GPR83: variants seen among roughly 807,000 people sequenced by gnomAD.
The protein encoded by GPR83 is G-protein coupled receptor 72.
In GPR83, 23 loss-of-function variants were observed where a neutral mutation model predicts 28.0. The observed-to-expected ratio is 0.82, with a 90% CI of 0.59 to 1.16. GPR83 has a LOEUF of 1.16. GPR83 is among the 50% of genes most tolerant of loss of function. The probability of loss-of-function intolerance (pLI) is 0.00; values close to 1 mark genes in which losing one functional copy is unlikely to be tolerated. For synonymous variants in GPR83, 234 were observed against 215.4 expected (o/e 1.09, Z -0.76); for missense variants, 610 against 536.6 (o/e 1.14, Z -1.35).
At chr11:94,382,679 G>A (rs1256999199) in intron 3 of GPR83, among the ~76,000 whole-genome samples, 7 of 152,014 alleles carry the variant, frequency 4.6e-5, no homozygotes, top group African/African-American at 1.7e-4. Flanking sequence ...TCGACCAAAT[G>A]GACCTAATAG....
At chr11:94,392,265 T>C (rs1944823911) in intron 3 of GPR83, among the ~76,000 whole-genome samples, 1 of 150,786 alleles carries the variant, frequency 6.6e-6, no homozygotes, top group South Asian at 2.1e-4. Context: ...TAAGTGAGAG[T>C]TTAACAATGA....
intron 1 of GPR83, among the ~76,000 whole-genome samples, chr11:94,398,839 C>T (rs1219189055): frequency 6.6e-6 from 1 of 152,184 alleles, no homozygotes; most frequent in Non-Finnish European, 1.5e-5. Flanking sequence ...CCCTTTCCTA[C>T]CTGCCAGCAC....
chr11:94,389,485 C>T (rs1944793183), intron 3 of GPR83, among the ~76,000 whole-genome samples: 1 of 151,418 alleles, frequency 6.6e-6, no homozygotes, highest in African/African-American at 2.4e-5. Context: ...CAAGAAAAAT[C>T]AACCCCATCA....
intron 3 of GPR83, among the ~76,000 whole-genome samples, chr11:94,381,455 A>C (rs1360593815): frequency 6.6e-6 from 1 of 151,910 alleles, no homozygotes; most frequent in Non-Finnish European, 1.5e-5. Context: ...TGAGTGATTC[A>C]TTTCAATGTC....
chr11:94,394,569 C>G (rs1261327648), intron 2 of GPR83, among the ~76,000 whole-genome samples: 6 of 152,168 alleles, frequency 3.9e-5, no homozygotes, highest in African/African-American at 1.4e-4. Flanking sequence ...TCAGGAAGAG[C>G]TGGCACCACC....
chr11:94,381,209 G>A (rs1239803623), intron 3 of GPR83, among the ~76,000 whole-genome samples: 1 of 152,122 alleles, frequency 6.6e-6, no homozygotes, highest in African/African-American at 2.4e-5. Context: ...GAGTGGTAAA[G>A]CCTGAACTAA....
intron 3 of GPR83, among the ~76,000 whole-genome samples, chr11:94,389,050 C>G (rs563989744): frequency 6.6e-5 from 10 of 152,186 alleles, no homozygotes; most frequent in Non-Finnish European, 1.3e-4. Context: ...CCTTGACAAA[C>G]CTGACAAAAA....
At position 94,380,361 on chromosome 11, in the gene GPR83, T is replaced by A; in HGVS notation, c.1060A>T (p.Ile354Phe). The change falls in exon 4 of 4, where the codon ATT (isoleucine) becomes TTT (phenylalanine). Residue 354 changes from isoleucine (I) to phenylalanine (F), a missense_variant. By Grantham distance (21) the Ile-to-Phe change is conservative. Transcript: ENST00000243673. ...IYCWLNENFR[I>F]ELKALLSMCQ... ...ATGCTCAGTAATGCCTTTAGCTCAA[T>A]CCTGAAGTTCTCGTTCAGCCAGCAG... is the stretch of plus-strand genomic sequence containing the variant. 6.2e-7 allele frequency: 1 copy of A among 1,614,118 alleles called. No individual in the cohort carries two copies. The highest frequency in any genetic ancestry group is 8.5e-7 in the Non-Finnish European group (1 of 1,180,002).
Position 94,379,867 on chromosome 11 carries a change from T to C in GPR83, c.*282A>G, listed in dbSNP as rs1172052553. On this transcript the variant is annotated 3_prime_UTR_variant, in exon 4 of 4. Coordinates refer to ENST00000243673, the MANE Select transcript of GPR83 (RefSeq NM_016540.4). ...GCAGTTGAATGATTCAGCCCCCATCTGGGCCAACGTTGTCCTCGCTCCTCT... is the reference window on the plus strand; with the variant it reads ...GCAGTTGAATGATTCAGCCCCCATCCGGGCCAACGTTGTCCTCGCTCCTCT... 7.4e-6 allele frequency: 2 copies of C among 270,412 alleles called. No homozygotes were observed. The allele number at this position is 270,412 out of a possible 1,614,324, so 16.8% of individuals were successfully genotyped here.
At chr11:94,382,270 G>A (rs1944699050) in intron 3 of GPR83, among the ~76,000 whole-genome samples, 1 of 147,470 alleles carries the variant, frequency 6.8e-6, no homozygotes, top group Non-Finnish European at 1.5e-5. Flanking sequence ...GAGAACCCAG[G>A]AGGCAGAGGT....
rs1465308050 is a variant in GPR83, at chr11:94,377,445, A to G, written c.*2704T>C. 1 of 152,214 alleles carries G rather than the reference A, an allele frequency of 6.6e-6. No individual in the cohort carries two copies. The highest frequency in any genetic ancestry group is 1.5e-5 in the Non-Finnish European group (1 of 68,038). 9.4% of individuals were successfully genotyped at this position (152,214 alleles called of 1,614,324 possible). ...GAAGTCACTTTTTGCTCAAAGTCAC[A>G]CACGGACCTCGGGGAAGGGACAGAT... On this transcript the variant is annotated 3_prime_UTR_variant, in exon 4 of 4. Transcript: ENST00000243673.
At chr11:94,387,254 C>T (rs1944768681) in intron 3 of GPR83, among the ~76,000 whole-genome samples, 1 of 152,106 alleles carries the variant, frequency 6.6e-6, no homozygotes, top group African/African-American at 2.4e-5. Flanking sequence ...ACCCTAACAT[C>T]ACAATTAAAA....
chr11:94,392,952 C>T (rs1944831533), intron 3 of GPR83, among the ~76,000 whole-genome samples: 1 of 151,642 alleles, frequency 6.6e-6, no homozygotes, highest in Non-Finnish European at 1.5e-5. Flanking sequence ...CCAATTCTTC[C>T]CAAACTGACA....
At chr11:94,393,761 G>T in intron 2 of GPR83, 143 bp from the exon 3 acceptor site, 1 of 678,916 alleles carries the variant, frequency 1.5e-6, no homozygotes, top group Non-Finnish European at 2.6e-6. Flanking sequence ...AGGAGTTCTA[G>T]ACCAGACTGG....
rs368046390 is a variant in GPR83, at chr11:94,398,377, C to T, written c.388-1853G>A. ...CTCCTCCGCTGTGCTTCCTGATGCT[C>T]CAGCTTCATTGAGCCACTCAATGTT... is the stretch of plus-strand genomic sequence containing the variant. On this transcript the variant is annotated intron_variant, in intron 1 of 3. Coordinates refer to ENST00000243673, the MANE Select transcript of GPR83 (RefSeq NM_016540.4). 3.3e-5 allele frequency among the ~76,000 whole-genome samples: 5 copies of T among 152,264 alleles called. No homozygotes were observed. The East Asian group carries it at 7.7e-4, about 24-fold the overall frequency.
chr11:94,401,361 G>T lies in GPR83; in HGVS notation c.-114C>A. The T allele has an allele frequency of 9.7e-7, 1 of 1,034,408 alleles. No individual in the cohort carries two copies. Among genetic ancestry groups the T allele is most frequent in the Non-Finnish European group, 1.3e-6 (1 of 760,456 alleles). The allele number at this position is 1,034,408 out of a possible 1,614,324, so 64.1% of individuals were successfully genotyped here. On this transcript the variant is annotated 5_prime_UTR_variant, in exon 1 of 4. Transcript: ENST00000243673. ...ACAGCATACAAGGCCGTCCCGAGGAGCCAGGGAGCCCGGACGCGCGGAGCA... is the reference window on the plus strand; with the variant it reads ...ACAGCATACAAGGCCGTCCCGAGGATCCAGGGAGCCCGGACGCGCGGAGCA...
intron 1 of GPR83, 91 bp from the exon 2 acceptor site, chr11:94,396,615 G>T: frequency 7.9e-7 from 1 of 1,272,026 alleles, no homozygotes; most frequent in South Asian, 1.4e-5. Flanking sequence ...CCCTTAGGGG[G>T]ATTCCTCCAG....
Position 94,378,979 on chromosome 11 carries a change from T to TGGGATCTTCTCACCTC in GPR83, c.*1154_*1169dup, listed in dbSNP as rs1473467247. 1.3e-5 allele frequency: 2 copies of TGGGATCTTCTCACCTC among 152,238 alleles called. No individual in the cohort carries two copies. The highest frequency in any genetic ancestry group is 4.8e-5 in the African/African-American group (2 of 41,426). 9.4% of individuals were successfully genotyped at this position (152,238 alleles called of 1,614,324 possible). On this transcript the variant is annotated 3_prime_UTR_variant, in exon 4 of 4. Coordinates refer to ENST00000243673, the MANE Select transcript of GPR83 (RefSeq NM_016540.4). ...GTCTGCGTGGTGACAGGCTTCACCT[T>TGGGATCTTCTCACCTC]GGGATCTTCTCACCTCTTCTTCAAC...
chr11:94,393,114 G>A (rs1347891597), intron 3 of GPR83, among the ~76,000 whole-genome samples: 1 of 152,310 alleles, frequency 6.6e-6, no homozygotes, highest in East Asian at 1.9e-4. Context: ...GCATGCATGC[G>A]GATTTTGTTT....
Sources: gnomAD v4.1 joint callset for allele counts (sites outside exome capture counted in the v4.1 genomes callset) on GRCh38, gnomAD v4.1.1 for gene constraint, MANE v1.5 for transcripts, NCBI Gene and HGNC (gene_info 2026-07-23, HGNC 2026-07-21) for gene names.